Variants in MECOM observed in about 807,000 individuals in gnomAD.
MECOM encodes histone-lysine N-methyltransferase MECOM.
MECOM carries 13 observed loss-of-function variants against 116.3 expected under a neutral mutation model. That is an observed-to-expected ratio of 0.11 (90% confidence interval 0.07 to 0.18). The LOEUF (loss-of-function observed/expected upper bound fraction) is 0.18, where lower values mean the gene tolerates loss of function less well. Among genes scored for constraint, MECOM ranks in the 10% least tolerant of loss-of-function variants. The probability of loss-of-function intolerance (pLI) is 1.00; values close to 1 mark genes in which losing one functional copy is unlikely to be tolerated. For missense variants in MECOM, 1,299 were observed against 1,509.0 expected (o/e 0.86, Z 2.31); for synonymous variants, 528 against 535.2 (o/e 0.99, Z 0.19).
intron 2 of MECOM, among the ~76,000 whole-genome samples, chr3:169,261,640 G>A (rs1401302618): frequency 1.1e-4 from 16 of 152,186 alleles, no homozygotes; most frequent in Admixed American, 1.0e-3. Context: ...GGCAGAGGTT[G>A]CAGTGAGCCG....
chr3:169,363,370 T>C (rs925708982), intron 2 of MECOM, among the ~76,000 whole-genome samples: 4 of 151,974 alleles, frequency 2.6e-5, no homozygotes, highest in Non-Finnish European at 5.9e-5. Flanking sequence ...CAGATTGATA[T>C]AATTTCTCTC....
intron 2 of MECOM, among the ~76,000 whole-genome samples, chr3:169,303,414 T>C (rs1029098985): frequency 9.2e-5 from 14 of 152,224 alleles, no homozygotes; most frequent in African/African-American, 3.1e-4. Flanking sequence ...ACTCTGTGCC[T>C]GACCTAAAGA....
intron 2 of MECOM, among the ~76,000 whole-genome samples, chr3:169,186,217 A>G (rs748995325): frequency 6.6e-6 from 1 of 152,036 alleles, no homozygotes; most frequent in Non-Finnish European, 1.5e-5. Context: ...AGCTTAGATG[A>G]GTAGTGACCA....
At chr3:169,207,181 T>C (rs916888339) in intron 2 of MECOM, among the ~76,000 whole-genome samples, 20 of 152,156 alleles carry the variant, frequency 1.3e-4, no homozygotes, top group Non-Finnish European at 2.8e-4. Flanking sequence ...ACAGTGTGCA[T>C]ATAAATGTCT....
intron 2 of MECOM, among the ~76,000 whole-genome samples, chr3:169,202,819 C>CAAAAAAA (rs11287862): frequency 1.1e-4 from 10 of 90,216 alleles, no homozygotes; most frequent in Non-Finnish European, 1.6e-4. Context: ...TTGCCATTAG[C>CAAAAAAA]AAAAAAAAAA....
chr3:169,220,577 C>A (rs984513056), intron 2 of MECOM, among the ~76,000 whole-genome samples: 2 of 152,038 alleles, frequency 1.3e-5, no homozygotes, highest in African/African-American at 2.4e-5. Context: ...CAGGTTCTAG[C>A]GATTCTCCTG....
intron 2 of MECOM, among the ~76,000 whole-genome samples, chr3:169,256,642 C>T (rs951270046): frequency 1.2e-4 from 19 of 152,160 alleles, no homozygotes; most frequent in African/African-American, 4.6e-4. Context: ...AACACATCTC[C>T]TTCGGGAGAT....
chr3:169,352,070 C>A (rs572571079), intron 2 of MECOM, among the ~76,000 whole-genome samples: 2 of 151,916 alleles, frequency 1.3e-5, no homozygotes, highest in East Asian at 1.9e-4. Flanking sequence ...AACTACAGAA[C>A]TAAGTAAAAG....
At chr3:169,533,337 G>T (rs1188112272) in intron 1 of MECOM, among the ~76,000 whole-genome samples, 2 of 152,142 alleles carry the variant, frequency 1.3e-5, no homozygotes, top group Non-Finnish European at 2.9e-5. Context: ...GCTCCAGGTC[G>T]TGATGGTGGC....
chr3:169,409,649 G>A (rs1468654236), intron 1 of MECOM, among the ~76,000 whole-genome samples: 5 of 152,082 alleles, frequency 3.3e-5, no homozygotes, highest in African/African-American at 9.7e-5. Context: ...TCAAATAGAC[G>A]CTTTGCAAGA....
intron 1 of MECOM, among the ~76,000 whole-genome samples, chr3:169,562,574 A>G (rs1762780961): frequency 1.3e-5 from 2 of 152,182 alleles, no homozygotes; most frequent in South Asian, 2.1e-4. Flanking sequence ...TTGTGTAGCA[A>G]CATGAATTTG....
At chr3:169,192,509 AGCCTAGT>A (rs1247091948) in intron 2 of MECOM, among the ~76,000 whole-genome samples, 5 of 152,040 alleles carry the variant, frequency 3.3e-5, no homozygotes, top group African/African-American at 9.7e-5. Flanking sequence ...TCCTATGATT[AGCCTAGT>A]AGAAAGTATT....
In MECOM at chr3:169,391,183, A is replaced by G. The variant is rs536178714; in HGVS notation, c.38-9659T>C. On this transcript the variant is annotated intron_variant, in intron 1 of 16. Coordinates refer to ENST00000651503, the MANE Select transcript of MECOM (RefSeq NM_004991.4). ...AGCAATAGAACACTAACTTAACCAC[A>G]CTCTTGGTTTGATAAGAAGCAGAGA... Among the ~76,000 whole-genome samples, 77 of 152,202 alleles carry G rather than the reference A, an allele frequency of 5.1e-4. No homozygotes were observed. The South Asian group carries it at 0.015, about 30-fold the overall frequency.
chr3:169,491,327 G>A (rs1272594218), intron 1 of MECOM, among the ~76,000 whole-genome samples: 3 of 152,246 alleles, frequency 2.0e-5, no homozygotes, highest in Admixed American at 6.5e-5. Flanking sequence ...AAGGCCTGGA[G>A]TTTCCTCCAG....
chr3:169,222,794 A>G (rs1249991058), intron 2 of MECOM, among the ~76,000 whole-genome samples: 1 of 152,190 alleles, frequency 6.6e-6, no homozygotes, highest in Non-Finnish European at 1.5e-5. Flanking sequence ...TTTATCTCCA[A>G]CTCCACAAAG....
At chr3:169,251,119 A>T (rs536918997) in intron 2 of MECOM, among the ~76,000 whole-genome samples, 1 of 152,318 alleles carries the variant, frequency 6.6e-6, no homozygotes, top group African/African-American at 2.4e-5. Context: ...CAATTTTAAC[A>T]TTTCTATTCT....
chr3:169,164,103 T>C (rs1197483368), intron 2 of MECOM, among the ~76,000 whole-genome samples: 2 of 152,206 alleles, frequency 1.3e-5, no homozygotes, highest in Non-Finnish European at 2.9e-5. Context: ...TTATAGTTGA[T>C]ATGGTTTGGC....
chr3:169,548,484 T>C (rs761953015), intron 1 of MECOM, among the ~76,000 whole-genome samples: 26 of 152,244 alleles, frequency 1.7e-4, no homozygotes, highest in Non-Finnish European at 3.7e-4. Flanking sequence ...ATTTTCAGTT[T>C]CTTGGAACAC....
At chr3:169,511,488 G>T (rs1391610258) in intron 1 of MECOM, among the ~76,000 whole-genome samples, 1 of 152,190 alleles carries the variant, frequency 6.6e-6, no homozygotes, top group East Asian at 1.9e-4. Context: ...TAGGCCAGGT[G>T]CAGTGGCTCA....
Sources: gnomAD v4.1 joint callset for allele counts (sites outside exome capture counted in the v4.1 genomes callset) on GRCh38, gnomAD v4.1.1 for gene constraint, MANE v1.5 for transcripts, NCBI Gene and HGNC (gene_info 2026-07-23, HGNC 2026-07-21) for gene names.